The following SAMD12 variants were observed in gnomAD, a reference collection of about 807,000 sequenced individuals.
SAMD12 encodes sterile alpha motif domain-containing protein 12.
Under a neutral mutation model 15.0 loss-of-function variants are expected in SAMD12, and 9 were observed. The ratio of observed to expected loss-of-function variants is 0.60; its 90% CI spans 0.36 to 1.05. SAMD12 has a LOEUF of 1.05. SAMD12 is among the 50% of genes least tolerant of loss of function. The probability of loss-of-function intolerance (pLI) is 0.01; values close to 1 mark genes in which losing one functional copy is unlikely to be tolerated. For missense variants in SAMD12, 230 were observed against 234.2 expected (o/e 0.98, Z 0.12); for synonymous variants, 86 against 90.1 (o/e 0.96, Z 0.25).
chr8:118,576,700 T>C (rs1285167610), intron 2 of SAMD12, among the ~76,000 whole-genome samples: 1 of 152,208 alleles, frequency 6.6e-6, no homozygotes, highest in Admixed American at 6.5e-5. Flanking sequence ...GCTGGTTTTT[T>C]GGAAACTGCT....
chr8:118,287,315 C>T (rs1184487588), intron 4 of SAMD12, among the ~76,000 whole-genome samples: 6 of 150,246 alleles, frequency 4.0e-5, no homozygotes, highest in South Asian at 4.3e-4. Flanking sequence ...TTAGTAGAGA[C>T]GGGGTTTCAC....
At chr8:118,261,633 A>ATTTT (rs11432849) in intron 4 of SAMD12, among the ~76,000 whole-genome samples, 1 of 143,674 alleles carries the variant, frequency 7.0e-6, no homozygotes, top group African/African-American at 2.5e-5. Flanking sequence ...AAAACACATG[A>ATTTT]TTTTTTTTTT....
chr8:118,376,018 C>T (rs189020989), downstream of SAMD12, among the ~76,000 whole-genome samples: 251 of 152,176 alleles, frequency 1.6e-3, no homozygotes, highest in Middle Eastern at 3.4e-3. Flanking sequence ...ATTCTTCATT[C>T]TCGTATTTGT....
chr8:118,303,598 G>C (rs1275345518), intron 4 of SAMD12, among the ~76,000 whole-genome samples: 1 of 152,098 alleles, frequency 6.6e-6, no homozygotes, highest in Non-Finnish European at 1.5e-5. Context: ...GCCTTCTTAG[G>C]ATCGCAAAAA....
chr8:118,256,192 A>C (rs1039926519), intron 4 of SAMD12, among the ~76,000 whole-genome samples: 15 of 152,120 alleles, frequency 9.9e-5, no homozygotes, highest in Non-Finnish European at 1.8e-4. Context: ...GCCCACTTTC[A>C]ATATTTATTA....
intron 3 of SAMD12, among the ~76,000 whole-genome samples, chr8:118,419,537 A>G (rs534737806): frequency 1.3e-5 from 2 of 152,252 alleles, no homozygotes; most frequent in South Asian, 4.1e-4. Flanking sequence ...CTTCCCTTTT[A>G]TATTCTACAG....
chr8:118,490,957 T>A (rs1406594712), intron 2 of SAMD12, among the ~76,000 whole-genome samples: 5 of 150,048 alleles, frequency 3.3e-5, no homozygotes, highest in Middle Eastern at 7.0e-3. Flanking sequence ...AGAACCCTGA[T>A]GGAATGCTGG....
intron 4 of SAMD12, among the ~76,000 whole-genome samples, chr8:118,282,853 T>G (rs1813720462): frequency 6.6e-6 from 1 of 151,920 alleles, no homozygotes; most frequent in South Asian, 2.1e-4. Context: ...TATAGATATG[T>G]GTGTGTGTGT....
chr8:118,456,763 G>T (rs1481772433), intron 2 of SAMD12, among the ~76,000 whole-genome samples: 3 of 152,210 alleles, frequency 2.0e-5, no homozygotes, highest in Admixed American at 1.3e-4. Context: ...GCCTAGCATT[G>T]TATTAGATAT....
At chr8:118,274,208 A>C (rs755980767) in intron 4 of SAMD12, among the ~76,000 whole-genome samples, 5 of 152,172 alleles carry the variant, frequency 3.3e-5, no homozygotes, top group South Asian at 2.1e-4. Flanking sequence ...TATAAGTAAA[A>C]GTGTGGACAC....
intron 2 of SAMD12, among the ~76,000 whole-genome samples, chr8:118,488,191 G>A (rs1209344030): frequency 2.0e-5 from 3 of 150,804 alleles, no homozygotes; most frequent in Non-Finnish European, 4.4e-5. Context: ...AATAAGACAT[G>A]TATTGTGTAC....
intron 4 of SAMD12, among the ~76,000 whole-genome samples, chr8:118,336,998 C>A (rs1014162749): frequency 2.0e-5 from 3 of 152,058 alleles, no homozygotes; most frequent in Non-Finnish European, 4.4e-5. Context: ...ACATCACACA[C>A]TGGGTCCTGT....
chr8:118,519,246 C>A (rs978163468), intron 2 of SAMD12, among the ~76,000 whole-genome samples: 4 of 152,182 alleles, frequency 2.6e-5, no homozygotes, highest in African/African-American at 9.6e-5. Context: ...TTTCTGCCCT[C>A]CCACCTAGGG....
intron 4 of SAMD12, among the ~76,000 whole-genome samples, chr8:118,230,572 G>A (rs1390209056): frequency 6.6e-6 from 1 of 151,922 alleles, no homozygotes; most frequent in Non-Finnish European, 1.5e-5. Flanking sequence ...TGACCTATAG[G>A]GACAGAAGGA....
At chr8:118,559,871 CA>C (rs1478330998) in intron 2 of SAMD12, among the ~76,000 whole-genome samples, 2 of 152,038 alleles carry the variant, frequency 1.3e-5, no homozygotes, top group African/African-American at 2.4e-5. Context: ...TCTTTGTTGA[CA>C]GGGGTGATGC....
chr8:118,234,970 T>G (rs1403276179), intron 4 of SAMD12, among the ~76,000 whole-genome samples: 5 of 152,294 alleles, frequency 3.3e-5, no homozygotes, highest in African/African-American at 1.2e-4. Context: ...GTTCATTGTT[T>G]GGCTGATGCA....
intron 4 of SAMD12, among the ~76,000 whole-genome samples, chr8:118,292,601 C>T (rs996977247): frequency 9.9e-5 from 15 of 151,928 alleles, no homozygotes; most frequent in Middle Eastern, 3.4e-3. Flanking sequence ...CACATGCACA[C>T]GTATGTTTAT....
intron 1 of SAMD12, among the ~76,000 whole-genome samples, chr8:118,598,465 A>T (rs772093355): frequency 1.3e-5 from 2 of 152,220 alleles, no homozygotes; most frequent in Non-Finnish European, 2.9e-5. Context: ...TTGATCTTGG[A>T]CTTCCAGCCT....
intron 2 of SAMD12, among the ~76,000 whole-genome samples, chr8:118,455,806 C>G (rs948533118): frequency 9.2e-5 from 14 of 152,214 alleles, no homozygotes; most frequent in Non-Finnish European, 1.6e-4. Flanking sequence ...CTTATACATA[C>G]ATACATCATA....
Sources: allele counts gnomAD v4.1 joint callset (sites outside exome capture counted in the v4.1 genomes callset), GRCh38; gene constraint gnomAD v4.1.1; transcripts MANE v1.5; gene names NCBI Gene and HGNC (gene_info 2026-07-23, HGNC 2026-07-21).